Variants in MYH13 observed in about 807,000 individuals in gnomAD.
MYH13 encodes the protein myosin-13.
MYH13 carries 177 observed loss-of-function variants against 232.1 expected under a neutral mutation model. The observed-to-expected ratio is 0.76, with a 90% CI of 0.67 to 0.86. MYH13 has a LOEUF of 0.86. Among genes scored for constraint, MYH13 ranks in the 40% least tolerant of loss-of-function variants. The probability of loss-of-function intolerance (pLI) is 0.00; values close to 1 mark genes in which losing one functional copy is unlikely to be tolerated. For synonymous variants in MYH13, 884 were observed against 923.5 expected (o/e 0.96, Z 0.78); for missense variants, 2,246 against 2,405.9 (o/e 0.93, Z 1.39).
At chr17:10,349,244 A>G (rs2071691287) in intron 12 of MYH13, among the ~76,000 whole-genome samples, 1 of 152,142 alleles carries the variant, frequency 6.6e-6, no homozygotes, top group African/African-American at 2.4e-5. Flanking sequence ...CTGGGAATAC[A>G]GGCAGGCACC....
Position 10,312,701 on chromosome 17 carries a change from G to T in MYH13, c.4238C>A (p.Ser1413Tyr), listed in dbSNP as rs1369328582. The change falls in exon 31 of 41, where the codon TCC becomes TAC. Residue 1413 changes from serine (S) to tyrosine (Y), a missense_variant. Physicochemically the swap from Ser to Tyr is moderately radical, Grantham distance 144. Transcript: ENST00000252172. ...EAEENTETAN[S>Y]KCASLEKTKQ... ...GGTTTTCTCCAACGATGCGCACTTG[G>T]AGTTCGCCGTCTCCGTGTTCTCCTC... The T allele has an allele frequency of 6.2e-7, 1 of 1,613,530 alleles. No individual in the cohort carries two copies. The highest frequency in any genetic ancestry group is 1.3e-5 in the African/African-American group (1 of 74,862).
chr17:10,333,644 T>A (rs1907489206), intron 18 of MYH13, among the ~76,000 whole-genome samples: 1 of 152,160 alleles, frequency 6.6e-6, no homozygotes, highest in Non-Finnish European at 1.5e-5. Flanking sequence ...CGGTGGCTCA[T>A]GCCTATAATC....
chr17:10,344,906 G>A (rs954302745), intron 15 of MYH13, among the ~76,000 whole-genome samples: 3 of 151,284 alleles, frequency 2.0e-5, no homozygotes, highest in South Asian at 2.1e-4. Flanking sequence ...CCATGGTTCC[G>A]CCTCCTTGGG....
chr17:10,361,688 T>C (rs1377333558), intron 5 of MYH13, among the ~76,000 whole-genome samples: 1 of 152,202 alleles, frequency 6.6e-6, no homozygotes, highest in Non-Finnish European at 1.5e-5. Flanking sequence ...AGTGTTACCA[T>C]GTCCTTACTC....
chr17:10,352,647 G>A lies in MYH13; in HGVS notation c.1006-1953C>T, dbSNP rs150753302. Among the ~76,000 whole-genome samples, 540 of 152,142 alleles carry A rather than the reference G, an allele frequency of 3.5e-3. 4 individuals carry two copies. Among genetic ancestry groups the A allele is most frequent in the African/African-American group, 0.012 (502 of 41,510 alleles). ...TCCGTGAGAGGAAGGAGCAACAGCC[G>A]CATCTGGCAGAAGGCATCTTGGTGA... On this transcript the variant is annotated intron_variant, in intron 11 of 40. Transcript: ENST00000252172.
intron 18 of MYH13, among the ~76,000 whole-genome samples, chr17:10,339,679 C>A (rs78171280): frequency 0.066 from 10,004 of 152,096 alleles, 448 homozygotes; most frequent in Non-Finnish European, 0.1. Flanking sequence ...AGTAGGGGTG[C>A]CAGATAAGAT....
At chr17:10,328,924 C>T (rs762689666) in intron 21 of MYH13, among the ~76,000 whole-genome samples, 68 of 152,230 alleles carry the variant, frequency 4.5e-4, no homozygotes, top group Non-Finnish European at 5.6e-4. Flanking sequence ...GTGATCTGCC[C>T]GCCTTGGCCT....
At chr17:10,364,291 C>G in intron 3 of MYH13, 36 bp downstream of exon 3, 1 of 1,579,092 alleles carries the variant, frequency 6.3e-7, no homozygotes, top group Non-Finnish European at 8.7e-7. Context: ...AATGAGCATG[C>G]CCATATTATC....
rs1355108219 is a variant in MYH13, at chr17:10,313,236, G to A, written c.4103C>T (p.Ala1368Val). The change falls in exon 30 of 41, where the codon GCC (alanine) becomes GTC (valine). Residue 1368 changes from alanine (A) to valine (V), a missense_variant. Transcript: ENST00000252172. ...CCTCCACTGGGCAACCTCACTGTTG[G>A]CCTTGGACAGCGCCCTCTGCAGCTC... is the stretch of plus-strand genomic sequence containing the variant. ...KAELQRALSKANSEVAQWRTK... is the reference protein window; with the variant it reads ...KAELQRALSKVNSEVAQWRTK... 37 of 1,614,186 alleles carry A rather than the reference G, an allele frequency of 2.3e-5. No individual in the cohort carries two copies. Among genetic ancestry groups the A allele is most frequent in the Non-Finnish European group, 3.1e-5 (36 of 1,180,036 alleles).
At chr17:10,356,263 T>TG (rs2071748622) in intron 8 of MYH13, among the ~76,000 whole-genome samples, 1 of 152,170 alleles carries the variant, frequency 6.6e-6, no homozygotes, top group Non-Finnish European at 1.5e-5. Flanking sequence ...GCACTGTAAG[T>TG]GCTGTGTCTT....
At chr17:10,330,164 C>T (rs1022138648) in intron 21 of MYH13, among the ~76,000 whole-genome samples, 2 of 152,132 alleles carry the variant, frequency 1.3e-5, no homozygotes, top group Non-Finnish European at 2.9e-5. Context: ...GCCATACATG[C>T]GTCTGCTTCC....
chr17:10,305,050 C>T (rs1040390711), intron 37 of MYH13, among the ~76,000 whole-genome samples: 3 of 152,172 alleles, frequency 2.0e-5, no homozygotes, highest in Admixed American at 1.3e-4. Flanking sequence ...GTTCCCAAAA[C>T]CTCCCCACCC....
rs145597887 is a variant in MYH13, at chr17:10,332,328, G to GA, written c.2175-107dup. The GA allele has an allele frequency of 2.9e-4, 410 of 1,428,844 alleles. 6 individuals are homozygous for GA. In the East Asian group the frequency reaches 9.1e-3, roughly 32 times the overall value. The allele number at this position is 1,428,844 out of a possible 1,614,324, so 88.5% of individuals were successfully genotyped here. On this transcript the variant is annotated intron_variant, in intron 19 of 40. Coordinates refer to ENST00000252172, the MANE Select transcript of MYH13 (RefSeq NM_003802.3). ...CCTGCTCAAGCCTTAGGAGGAAGTGGAATACTGTACAGCTGGTCTGGGAGA... is the reference window on the plus strand; with the variant it reads ...CCTGCTCAAGCCTTAGGAGGAAGTGGAAATACTGTACAGCTGGTCTGGGAGA...
rs571483624 is a variant in MYH13, at chr17:10,310,187, T to G, written c.4657-357A>C. On this transcript the variant is annotated intron_variant, in intron 33 of 40. Transcript: ENST00000252172. ...CTCAATGCAACCTCCACCCCCTGGG[T>G]TCAAGCGATTCTCCTGCCTCAGCCT... 1.2e-3 allele frequency among the ~76,000 whole-genome samples: 181 copies of G among 148,010 alleles called. 1 individual carries two copies. Among genetic ancestry groups the G allele is most frequent in the Non-Finnish European group, 2.1e-3 (140 of 67,368 alleles).
At chr17:10,335,586 C>T (rs1360143340) in intron 18 of MYH13, among the ~76,000 whole-genome samples, 1 of 152,100 alleles carries the variant, frequency 6.6e-6, no homozygotes, top group Non-Finnish European at 1.5e-5. Context: ...AACCTCTTCT[C>T]TACTAAAAAT....
intron 33 of MYH13, 131 bp downstream of exon 33, chr17:10,310,972 G>T: frequency 8.8e-7 from 1 of 1,135,660 alleles, no homozygotes; most frequent in Non-Finnish European, 1.3e-6. Flanking sequence ...CAGCCCCTGG[G>T]ATGGCTGAAT....
At position 10,355,070 on chromosome 17, in the gene MYH13, G is replaced by A; in HGVS notation, c.802+14C>T. On this transcript the variant is annotated intron_variant, in intron 9 of 40. Coordinates refer to ENST00000252172, the MANE Select transcript of MYH13 (RefSeq NM_003802.3). ...GCCAAAACACCAACGGATTTATAGA[G>A]TGTTTGGACTCACAAGTTTCGATGT... 1 of 1,606,844 alleles carries A rather than the reference G, an allele frequency of 6.2e-7. No individual in the cohort carries two copies. The highest frequency in any genetic ancestry group is 8.5e-7 in the Non-Finnish European group (1 of 1,176,098).
At chr17:10,366,381 G>GTTTGTTTTTT (rs2071837334) in intron 2 of MYH13, among the ~76,000 whole-genome samples, 1 of 112,638 alleles carries the variant, frequency 8.9e-6, no homozygotes, top group African/African-American at 3.2e-5. Context: ...AAATAAATCT[G>GTTTGTTTTTT]TTTTTTTTTT....
Position 10,362,520 on chromosome 17 carries a change from A to C in MYH13, c.205-17T>G. 6.2e-7 allele frequency: 1 copy of C among 1,614,070 alleles called. No individual in the cohort carries two copies. Among genetic ancestry groups the C allele is most frequent in the Non-Finnish European group, 8.5e-7 (1 of 1,179,954 alleles). On this transcript the variant is annotated splice_polypyrimidine_tract_variant and intron_variant, in intron 3 of 40. Coordinates refer to ENST00000252172, the MANE Select transcript of MYH13 (RefSeq NM_003802.3). ...AGTGAGCATCTGGGTATTGAGAGGA[A>C]AAGCAGGTAATAAATTGGTGAGCCA...
Sources: gnomAD v4.1 joint callset for allele counts (sites outside exome capture counted in the v4.1 genomes callset) on GRCh38, gnomAD v4.1.1 for gene constraint, MANE v1.5 for transcripts, NCBI Gene and HGNC (gene_info 2026-07-23, HGNC 2026-07-21) for gene names.